The following ITGB6 variants were observed in gnomAD, a reference collection of about 807,000 sequenced individuals.
The protein encoded by ITGB6 is integrin subunit beta 6, also known as integrin beta-6.
In ITGB6, 80 loss-of-function variants were observed where a neutral mutation model predicts 84.5. That is an observed-to-expected ratio of 0.95 (90% CI 0.79 to 1.14). ITGB6 has a LOEUF of 1.14. ITGB6 is among the 50% of genes most tolerant of loss of function. The pLI is 0.00. For synonymous variants in ITGB6, 383 were observed against 354.9 expected (o/e 1.08, Z -0.89); for missense variants, 1,006 against 968.0 (o/e 1.04, Z -0.52).
At chr2:160,192,719 C>A (rs1686187809) in intron 4 of ITGB6, among the ~76,000 whole-genome samples, 1 of 151,902 alleles carries the variant, frequency 6.6e-6, no homozygotes, top group Admixed American at 6.6e-5. Flanking sequence ...ACTAAAATAT[C>A]TATTTTTTGG....
intron 10 of ITGB6, among the ~76,000 whole-genome samples, chr2:160,135,329 A>T (rs972797164): frequency 2.6e-5 from 4 of 152,118 alleles, no homozygotes; most frequent in Non-Finnish European, 5.9e-5. Flanking sequence ...TAAAATGCCT[A>T]GGAATCCAAC....
At chr2:160,186,442 C>T (rs1210524780) in intron 4 of ITGB6, among the ~76,000 whole-genome samples, 2 of 152,006 alleles carry the variant, frequency 1.3e-5, no homozygotes, top group Non-Finnish European at 1.5e-5. Context: ...GTTAGAATGG[C>T]AATCATTAAA....
intron 7 of ITGB6, among the ~76,000 whole-genome samples, chr2:160,154,618 G>A (rs1317381257): frequency 7.2e-5 from 11 of 151,866 alleles, no homozygotes; most frequent in East Asian, 1.9e-4. Flanking sequence ...ACACAAAAAC[G>A]TGTACATAGA....
chr2:160,126,502 T>C lies in ITGB6; in HGVS notation c.1760A>G (p.Asp587Gly). 1 of 1,614,168 alleles carries C rather than the reference T, an allele frequency of 6.2e-7. No homozygotes were observed. The highest frequency in any genetic ancestry group is 1.6e-4 in the Middle Eastern group (1 of 6,062). Residue 587 changes from aspartate to glycine, a missense_variant, in exon 11 of 15, where the codon GAT becomes GGT. Coordinates refer to ENST00000283249, the MANE Select transcript of ITGB6 (RefSeq NM_000888.5). Reference sequence around the variant, plus strand: ...CCCGCGCCCGCTGCAGAGCACTCCATCTTCAGAGACGCAGGAGTCCGTGCT... The same window carrying C: ...CCCGCGCCCGCTGCAGAGCACTCCACCTTCAGAGACGCAGGAGTCCGTGCT... ...TTSTDSCVSEDGVLCSGRGDC... is the reference protein window; with the variant it reads ...TTSTDSCVSEGGVLCSGRGDC...
intron 4 of ITGB6, among the ~76,000 whole-genome samples, chr2:160,175,039 G>A (rs1322650154): frequency 6.6e-6 from 1 of 152,226 alleles, no homozygotes; most frequent in Non-Finnish European, 1.5e-5. Flanking sequence ...GCATGCTAAA[G>A]TTTTAGAATC....
In ITGB6 at chr2:160,126,519, G is replaced by A. The variant is rs775815435; in HGVS notation, c.1743C>T (p.Asp581=). The A allele has an allele frequency of 1.2e-6, 2 of 1,614,162 alleles. No homozygotes were observed. Among genetic ancestry groups the A allele is most frequent in the Admixed American group, 1.7e-5 (1 of 60,016 alleles). Residue 581 remains aspartate (D), a synonymous_variant, in exon 11 of 15, where the codon GAC becomes GAT. Coordinates refer to ENST00000283249, the MANE Select transcript of ITGB6 (RefSeq NM_000888.5). ...GCACTCCATCTTCAGAGACGCAGGAGTCCGTGCTGGTGGTGCAGTTGCAGT... is the reference window on the plus strand; with the variant it reads ...GCACTCCATCTTCAGAGACGCAGGAATCCGTGCTGGTGGTGCAGTTGCAGT... ...GEYCNCTTST[D]SCVSEDGVLC...
chr2:160,128,691 C>T (rs1316697862), intron 10 of ITGB6, among the ~76,000 whole-genome samples: 1 of 152,052 alleles, frequency 6.6e-6, no homozygotes, highest in African/African-American at 2.4e-5. Context: ...GGAATTCTCC[C>T]CCAGGTGACT....
chr2:160,134,085 A>C (rs964951106), intron 10 of ITGB6, among the ~76,000 whole-genome samples: 4 of 152,214 alleles, frequency 2.6e-5, no homozygotes, highest in African/African-American at 9.6e-5. Context: ...AGAGACACAT[A>C]AAACCCTTCA....
chr2:160,134,324 C>G (rs892057319), intron 10 of ITGB6, among the ~76,000 whole-genome samples: 20 of 152,032 alleles, frequency 1.3e-4, no homozygotes, highest in Non-Finnish European at 7.4e-5. Context: ...ATAAATTCCT[C>G]GACACATACA....
At chr2:160,110,778 C>T (rs1312976370) in intron 13 of ITGB6, among the ~76,000 whole-genome samples, 1 of 152,146 alleles carries the variant, frequency 6.6e-6, no homozygotes, top group African/African-American at 2.4e-5. Context: ...CTGGGATTTT[C>T]TAGTCTGAAA....
intron 2 of ITGB6, among the ~76,000 whole-genome samples, chr2:160,198,761 G>T (rs1012760214): frequency 2.0e-5 from 3 of 152,164 alleles, no homozygotes; most frequent in Non-Finnish European, 4.4e-5. Context: ...TCTAGCAGTA[G>T]TTCAGAATGG....
chr2:160,151,761 G>GAAAAAAT (rs1684428142), intron 7 of ITGB6, among the ~76,000 whole-genome samples: 1 of 151,860 alleles, frequency 6.6e-6, no homozygotes, highest in Non-Finnish European at 1.5e-5. Context: ...ATGATAAACG[G>GAAAAAAT]GATATCACCA....
chr2:160,119,742 G>C (rs1018455342), intron 12 of ITGB6, among the ~76,000 whole-genome samples: 4 of 151,958 alleles, frequency 2.6e-5, no homozygotes, highest in African/African-American at 9.7e-5. Flanking sequence ...CTACAGAATG[G>C]GAGAAAATTT....
chr2:160,137,047 A>G, intron 10 of ITGB6, among the ~76,000 whole-genome samples: 1 of 118,800 alleles, frequency 8.4e-6, no homozygotes, highest in East Asian at 2.5e-4. Context: ...AACTTAAAGT[A>G]TAAATAAAAA....
chr2:160,155,792 C>T (rs1354072468), intron 7 of ITGB6, among the ~76,000 whole-genome samples: 1 of 152,086 alleles, frequency 6.6e-6, no homozygotes, highest in Non-Finnish European at 1.5e-5. Context: ...ACATCTTAAT[C>T]AAAATGGATA....
intron 5 of ITGB6, among the ~76,000 whole-genome samples, chr2:160,173,005 A>G (rs982893046): frequency 2.0e-5 from 3 of 152,170 alleles, no homozygotes; most frequent in Admixed American, 2.0e-4. Context: ...TGACTTTTAC[A>G]TAGTTCAATT....
chr2:160,182,852 A>T (rs577423200), intron 4 of ITGB6, among the ~76,000 whole-genome samples: 2 of 152,216 alleles, frequency 1.3e-5, no homozygotes, highest in African/African-American at 4.8e-5. Flanking sequence ...ATTCTTAAAG[A>T]AAAGAATTTT....
chr2:160,122,599 G>T (rs747804718), intron 12 of ITGB6, among the ~76,000 whole-genome samples: 1 of 152,136 alleles, frequency 6.6e-6, no homozygotes, highest in East Asian at 1.9e-4. Context: ...GTGCTTTCAT[G>T]TATCTCGCCT....
intron 2 of ITGB6, 70 bp from the exon 3 acceptor site, chr2:160,196,490 C>A: frequency 7.5e-7 from 1 of 1,339,216 alleles, no homozygotes; most frequent in Non-Finnish European, 1.0e-6. Flanking sequence ...AAGATACCAG[C>A]AATTGAAAGT....
Sources: gnomAD v4.1 joint callset for allele counts (sites outside exome capture counted in the v4.1 genomes callset) on GRCh38, gnomAD v4.1.1 for gene constraint, MANE v1.5 for transcripts, NCBI Gene and HGNC (gene_info 2026-07-23, HGNC 2026-07-21) for gene names.